Variants in GRM7 observed in about 807,000 individuals in gnomAD.
GRM7 encodes metabotropic glutamate receptor 7.
In GRM7, 35 loss-of-function variants were observed where a neutral mutation model predicts 84.5. The ratio of observed to expected loss-of-function variants is 0.41; its 90% CI spans 0.32 to 0.55. GRM7 has a LOEUF of 0.55. Among genes scored for constraint, GRM7 ranks in the 20% least tolerant of loss-of-function variants. The pLI, the probability that GRM7 is intolerant of heterozygous loss-of-function variation, is 0.19. For synonymous variants in GRM7, 487 were observed against 455.1 expected, an observed-to-expected ratio of 1.07 and a Z score of -0.89; for missense variants, 1,003 against 1,194.6, an observed-to-expected ratio of 0.84 and a Z score of 2.36.
intron 4 of GRM7, among the ~76,000 whole-genome samples, chr3:7,324,528 T>TC (rs572859244): frequency 3.6e-4 from 55 of 152,214 alleles, no homozygotes; most frequent in African/African-American, 1.3e-3. Flanking sequence ...GAGTATGGAT[T>TC]CCCCATATGC....
intron 2 of GRM7, among the ~76,000 whole-genome samples, chr3:7,177,161 C>T (rs1383961946): frequency 6.6e-6 from 1 of 152,082 alleles, no homozygotes; most frequent in Non-Finnish European, 1.5e-5. Context: ...GTGATTTAAA[C>T]TCTGGAGCCT....
chr3:7,243,046 T>C (rs999640800), intron 2 of GRM7, among the ~76,000 whole-genome samples: 31 of 152,264 alleles, frequency 2.0e-4, no homozygotes, highest in African/African-American at 7.5e-4. Flanking sequence ...GCTTTCCAAA[T>C]GTTTTCATGT....
At chr3:7,593,060 C>T (rs1695869694) in intron 8 of GRM7, among the ~76,000 whole-genome samples, 1 of 152,180 alleles carries the variant, frequency 6.6e-6, no homozygotes, top group Non-Finnish European at 1.5e-5. Flanking sequence ...AATGCTCTTG[C>T]TAGTTAGAGT....
chr3:6,953,867 T>C (rs1692900718), intron 1 of GRM7, among the ~76,000 whole-genome samples: 1 of 152,198 alleles, frequency 6.6e-6, no homozygotes, highest in Non-Finnish European at 1.5e-5. Flanking sequence ...AGGGAAGTTA[T>C]GAGAATTAAA....
chr3:7,629,250 A>T (rs1028447549), intron 8 of GRM7, among the ~76,000 whole-genome samples: 1 of 152,186 alleles, frequency 6.6e-6, no homozygotes, highest in Admixed American at 6.5e-5. Context: ...CAAAGCAAAG[A>T]GGTAGGTAGA....
At chr3:7,159,040 G>C (rs370939368) in intron 2 of GRM7, among the ~76,000 whole-genome samples, 2 of 152,230 alleles carry the variant, frequency 1.3e-5, no homozygotes, top group Admixed American at 6.5e-5. Context: ...TAAAATTGAA[G>C]CTTACACTAA....
chr3:7,185,725 A>T (rs1276134561), intron 2 of GRM7, among the ~76,000 whole-genome samples: 1 of 152,106 alleles, frequency 6.6e-6, no homozygotes, highest in Non-Finnish European at 1.5e-5. Flanking sequence ...TAACTCAGAA[A>T]CTCTGGGAAG....
chr3:7,142,916 G>T (rs554444614), intron 1 of GRM7, among the ~76,000 whole-genome samples: 1 of 151,994 alleles, frequency 6.6e-6, no homozygotes, highest in East Asian at 1.9e-4. Context: ...GAGGAGAAAA[G>T]AATAATAAGA....
rs1488528699 is a variant in GRM7, at chr3:7,229,754, TATATA to T, written c.737-68929_737-68925del. Among the ~76,000 whole-genome samples the T allele has an allele frequency of 2.3e-3, 77 of 33,244 alleles. 1 individual carries two copies. Among genetic ancestry groups the T allele is most frequent in the Middle Eastern group, 0.017 (1 of 58 alleles). The allele number at this position is 33,244 out of a possible 152,430, so 21.8% of individuals were successfully genotyped here. On this transcript the variant is annotated intron_variant, in intron 2 of 9. Coordinates refer to ENST00000357716, the MANE Select transcript of GRM7 (RefSeq NM_000844.4). ...ATATATATATATATATATATATATA[TATATA>T]TTTTTTTTTTTTTTTGGTTGACAGG...
intron 1 of GRM7, among the ~76,000 whole-genome samples, chr3:6,977,743 T>A (rs1694054114): frequency 1.3e-5 from 2 of 152,158 alleles, no homozygotes; most frequent in African/African-American, 4.8e-5. Flanking sequence ...AATATATGGG[T>A]GTTGCCAAAT....
Position 7,051,252 on chromosome 3 carries a change from T to C in GRM7, c.520-95200T>C, listed in dbSNP as rs543975510. Among the ~76,000 whole-genome samples the C allele has an allele frequency of 2.6e-5, 4 of 151,898 alleles. No homozygotes were observed. The South Asian group carries it at 8.3e-4, about 31-fold the overall frequency. On this transcript the variant is annotated intron_variant, in intron 1 of 9. Transcript: ENST00000357716. ...TAATTTTACAAAAACGTTCAAACTC[T>C]TTTCTCATTTGATCCTCACCACAGC...
At chr3:7,680,336 C>T in intron 9 of GRM7, 41 bp downstream of exon 9, 1 of 1,604,832 alleles carries the variant, frequency 6.2e-7, no homozygotes, top group Non-Finnish European at 8.5e-7. Flanking sequence ...CACCCTGCAT[C>T]AGGAAGCTCT....
intron 4 of GRM7, among the ~76,000 whole-genome samples, chr3:7,348,636 A>G (rs1692997045): frequency 6.6e-6 from 1 of 152,122 alleles, no homozygotes; most frequent in African/African-American, 2.4e-5. Flanking sequence ...CTCTGATCAC[A>G]TGGCTCCCAC....
At chr3:7,316,788 G>A (rs191990438) in intron 4 of GRM7, among the ~76,000 whole-genome samples, 10 of 152,116 alleles carry the variant, frequency 6.6e-5, no homozygotes, top group East Asian at 1.9e-4. Flanking sequence ...GTAAGCAACC[G>A]GATACATAAG....
At chr3:7,583,024 C>T (rs1461407733) in intron 8 of GRM7, among the ~76,000 whole-genome samples, 2 of 152,126 alleles carry the variant, frequency 1.3e-5, no homozygotes, top group Non-Finnish European at 2.9e-5. Context: ...ACTTCAGAAC[C>T]TTTGGGAATC....
Position 7,562,921 on chromosome 3 carries a change from A to C in GRM7, c.1516-15501A>C, listed in dbSNP as rs190699391. 3.8e-3 allele frequency among the ~76,000 whole-genome samples: 584 copies of C among 152,282 alleles called. 5 individuals are homozygous for C. The highest frequency in any genetic ancestry group is 0.013 in the African/African-American group (528 of 41,572). ...CATTATAATGAAATGTGAGATAACT[A>C]TCCTAAATAACCTGTATAAAAACAG... is the stretch of plus-strand genomic sequence containing the variant. On this transcript the variant is annotated intron_variant, in intron 7 of 9. Transcript: ENST00000357716.
At position 7,524,746 on chromosome 3, in the gene GRM7, C is replaced by T. The variant is rs1317388457; in HGVS notation, c.1516-53676C>T. Among the ~76,000 whole-genome samples the T allele has an allele frequency of 5.1e-4, 45 of 87,580 alleles. 9 individuals are homozygous for T. Among genetic ancestry groups the T allele is most frequent in the Non-Finnish European group, 8.6e-4 (40 of 46,562 alleles). The allele number at this position is 87,580 out of a possible 152,430, so 57.5% of individuals were successfully genotyped here. A position where few individuals can be genotyped will look rare whatever the true frequency, so the allele number is the denominator to read the frequency against. ...TCTAGAACTAGAAATACCATTTGAC[C>T]CAGCCATCCCATTACTGGGTATATA... On this transcript the variant is annotated intron_variant, in intron 7 of 9. Coordinates refer to ENST00000357716, the MANE Select transcript of GRM7 (RefSeq NM_000844.4).
At chr3:6,972,697 G>A (rs138965944) in intron 1 of GRM7, among the ~76,000 whole-genome samples, 150 of 152,298 alleles carry the variant, frequency 9.8e-4, no homozygotes, top group African/African-American at 3.4e-3. Context: ...CCAATGGAGA[G>A]CTCTGCGGTA....
intron 1 of GRM7, among the ~76,000 whole-genome samples, chr3:6,890,873 C>G (rs60955458): frequency 0.066 from 10,028 of 152,046 alleles, 444 homozygotes; most frequent in East Asian, 0.19. Context: ...GTCTAAGTGT[C>G]TTTGTAGGTC....
Sources: gnomAD v4.1 joint callset for allele counts (sites outside exome capture counted in the v4.1 genomes callset) on GRCh38, gnomAD v4.1.1 for gene constraint, MANE v1.5 for transcripts, NCBI Gene and HGNC (gene_info 2026-07-23, HGNC 2026-07-21) for gene names.